Variants in COL4A4 observed in about 807,000 individuals in gnomAD.
COL4A4 encodes the protein collagen type IV alpha 4 chain, also known as collagen alpha-4(IV) chain.
In COL4A4, 105 loss-of-function variants were observed where a neutral mutation model predicts 192.9. The ratio of observed to expected loss-of-function variants is 0.54; its 90% confidence interval spans 0.46 to 0.64. The LOEUF is 0.64. COL4A4 is among the 30% of genes least tolerant of loss of function. The pLI is 0.00. For synonymous variants in COL4A4, 762 were observed against 769.9 expected, an observed-to-expected ratio of 0.99 and a Z score of 0.17; for missense variants, 1,967 against 2,169.3, an observed-to-expected ratio of 0.91 and a Z score of 1.85.
chr2:226,984,030 A>C, the COL4A4 span, among the ~76,000 whole-genome samples: 1 of 152,114 alleles, frequency 6.6e-6, no homozygotes, highest in Non-Finnish European at 1.5e-5. Flanking sequence ...TGTCCCTTGG[A>C]GGGAGGGAGC....
In COL4A4 at chr2:227,020,876, T is replaced by C. The variant is rs75921217; in HGVS notation, c.4216+1172A>G. On this transcript the variant is annotated intron_variant, in intron 44 of 47. Transcript: ENST00000396625. The stretch of plus-strand genomic sequence containing the variant: ...AAAACAAACCATTCGGAGAACACTT[T>C]TTTCTTTTTTTTTTTTTTTTGAGAT... Among the ~76,000 whole-genome samples, 170 of 43,986 alleles carry C rather than the reference T, an allele frequency of 3.9e-3. 5 individuals carry two copies. The highest frequency in any genetic ancestry group is 0.018 in the African/African-American group (164 of 9,122). The allele number at this position is 43,986 out of a possible 152,430, so 28.9% of individuals were successfully genotyped here. A position where few individuals can be genotyped will look rare whatever the true frequency, so the allele number is the denominator to read the frequency against.
intron 25 of COL4A4, among the ~76,000 whole-genome samples, chr2:227,069,667 C>T (rs138949665): frequency 0.034 from 5,220 of 152,116 alleles, 275 homozygotes; most frequent in African/African-American, 0.12. Flanking sequence ...GCTAGCCATA[C>T]GTAGAAAGCT....
intron 9 of COL4A4, 76 bp from the exon 10 acceptor site, chr2:227,109,362 C>T: frequency 1.7e-6 from 2 of 1,202,268 alleles, no homozygotes; most frequent in Non-Finnish European, 2.5e-6. Context: ...GCGTGTGATC[C>T]CATGTGGATA....
chr2:227,147,454 C>T lies in COL4A4; in HGVS notation c.30G>A (p.Arg10=), dbSNP rs1450162979. Residue 10 remains arginine (R), a synonymous_variant, in exon 2 of 48, where the codon AGG becomes AGA. Coordinates refer to ENST00000396625, the MANE Select transcript of COL4A4 (RefSeq NM_000092.5). MWSLHIVLM[R]CSFRLTKSLA... ...AGGACTTGGTCAATCTGAAGGAGCACCTCATTAGTACTATGTGCAGAGACC... is the reference window on the plus strand; with the variant it reads ...AGGACTTGGTCAATCTGAAGGAGCATCTCATTAGTACTATGTGCAGAGACC... 4 of 1,613,844 alleles carry T rather than the reference C, an allele frequency of 2.5e-6. No homozygotes were observed. Among genetic ancestry groups the T allele is most frequent in the Non-Finnish European group, 3.4e-6 (4 of 1,179,850 alleles).
intron 12 of COL4A4, among the ~76,000 whole-genome samples, chr2:227,107,761 T>C (rs893677367): frequency 2.7e-5 from 4 of 148,562 alleles, no homozygotes; most frequent in Admixed American, 2.0e-4. Context: ...CTTTTCTTTT[T>C]TTTTTTTTTT....
At chr2:227,089,999 T>C (rs748602315) in intron 20 of COL4A4, 42 bp from the exon 21 acceptor site, 21 of 1,505,494 alleles carry the variant, frequency 1.4e-5, no homozygotes, top group Non-Finnish European at 1.9e-5. Context: ...AATCACATAA[T>C]TTTTCTGACT....
intron 9 of COL4A4, among the ~76,000 whole-genome samples, chr2:227,109,707 A>G (rs1259880117): frequency 6.6e-6 from 1 of 151,628 alleles, no homozygotes; most frequent in African/African-American, 2.4e-5. Flanking sequence ...AGATTGTGCC[A>G]CTGCACTCCA....
intron 24 of COL4A4, among the ~76,000 whole-genome samples, chr2:227,079,661 C>G (rs1259747829): frequency 6.6e-6 from 1 of 152,194 alleles, no homozygotes. Flanking sequence ...TGAAATAAGA[C>G]AGACAAGTTT....
intron 38 of COL4A4, 140 bp from the exon 39 acceptor site, chr2:227,032,416 C>A: frequency 1.1e-6 from 1 of 871,404 alleles, no homozygotes; most frequent in Non-Finnish European, 1.8e-6. Context: ...AGTGGTGATC[C>A]AAATGTCTGC....
intron 44 of COL4A4, among the ~76,000 whole-genome samples, chr2:227,013,065 C>A (rs1265644572): frequency 6.6e-6 from 1 of 152,186 alleles, no homozygotes; most frequent in Non-Finnish European, 1.5e-5. Context: ...GGGGACTTGG[C>A]AGCAATTGCG....
intron 43 of COL4A4, among the ~76,000 whole-genome samples, chr2:227,023,561 C>A (rs1966435517): frequency 6.6e-6 from 1 of 152,122 alleles, no homozygotes; most frequent in Non-Finnish European, 1.5e-5. Flanking sequence ...GCAAACATCA[C>A]AGAGGGATAA....
chr2:227,091,676 C>A (rs956871831), intron 20 of COL4A4, among the ~76,000 whole-genome samples: 1 of 151,970 alleles, frequency 6.6e-6, no homozygotes, highest in South Asian at 2.1e-4. Flanking sequence ...GGCAGATCAC[C>A]TGGGGTCAGG....
chr2:227,089,922 C>T lies in COL4A4; in HGVS notation c.1405G>A (p.Gly469Arg), dbSNP rs926605269. The change falls in exon 21 of 48, where the codon GGA becomes AGA. Residue 469 changes from glycine to arginine, a missense_variant. Gly to Arg is a moderately radical substitution (Grantham distance 125, BLOSUM62 -2). Transcript: ENST00000396625. ...GGGGGACCAACTTTGCCTTTTATTC[C>T]TTGTGGTCCGGGGTTCCCAACACTA... is the stretch of plus-strand genomic sequence containing the variant. ...YCSVGNPGPQ[G>R]IKGKVGPPGG... 2.5e-6 allele frequency: 4 copies of T among 1,613,588 alleles called. No homozygotes were observed. The highest frequency in any genetic ancestry group is 3.4e-6 in the Non-Finnish European group (4 of 1,179,734).
intron 1 of COL4A4, among the ~76,000 whole-genome samples, chr2:227,161,187 C>G (rs1360124373): frequency 6.6e-6 from 1 of 152,238 alleles, no homozygotes; most frequent in Non-Finnish European, 1.5e-5. Flanking sequence ...GTAACAGCCT[C>G]ACTCATTCAT....
intron 3 of COL4A4, 25 bp from the exon 4 acceptor site, chr2:227,140,263 G>GTA (rs1395900291): frequency 1.3e-6 from 2 of 1,595,280 alleles, no homozygotes; most frequent in South Asian, 2.2e-5. Flanking sequence ...ATCTTATTTA[G>GTA]TATACCAGTA....
chr2:227,059,622 A>G lies in COL4A4; in HGVS notation c.2166T>C (p.Gly722=). 5.0e-6 allele frequency: 8 copies of G among 1,613,060 alleles called. No individual in the cohort carries two copies. Among genetic ancestry groups the G allele is most frequent in the Non-Finnish European group, 6.8e-6 (8 of 1,179,718 alleles). ...PGTAEIPGPP[G]FRGDMGDPGF... is the part of the protein sequence containing the mutation. ...CCGGATCTCCCATGTCACCACGAAA[A>G]CCTATTTAACAACAAAAAAAAATTT... Residue 722 remains glycine, a splice_region_variant and synonymous_variant, in exon 28 of 48, where the codon GGT becomes GGC. Transcript: ENST00000396625.
chr2:227,147,967 T>C (rs2063659138), intron 1 of COL4A4, among the ~76,000 whole-genome samples: 1 of 152,034 alleles, frequency 6.6e-6, no homozygotes, highest in African/African-American at 2.4e-5. Flanking sequence ...TTCTTTTACT[T>C]TATGAAACTA....
At chr2:227,120,991 T>C (rs1012974809) in intron 5 of COL4A4, 23 bp downstream of exon 5, 21 of 1,613,578 alleles carry the variant, frequency 1.3e-5, no homozygotes, top group Non-Finnish European at 1.6e-5. Context: ...TTCATGTGAA[T>C]CTCCACATAA....
intron 5 of COL4A4, 82 bp downstream of exon 5, chr2:227,120,932 G>C (rs2061743923): frequency 6.4e-7 from 1 of 1,568,368 alleles, no homozygotes; most frequent in Non-Finnish European, 8.8e-7. Context: ...GAGTAAGACT[G>C]TCTAAAAAAA....
Sources: gnomAD v4.1 joint callset for allele counts (sites outside exome capture counted in the v4.1 genomes callset) on GRCh38, gnomAD v4.1.1 for gene constraint, MANE v1.5 for transcripts, NCBI Gene and HGNC (gene_info 2026-07-23, HGNC 2026-07-21) for gene names.